The following KIAA0232 variants were observed in gnomAD, a reference collection of about 807,000 sequenced individuals.
KIAA0232 encodes the protein uncharacterized protein KIAA0232.
In KIAA0232, 27 loss-of-function variants were observed where a neutral mutation model predicts 122.0. That is an observed-to-expected ratio of 0.22 (90% CI 0.16 to 0.31). The LOEUF (loss-of-function observed/expected upper bound fraction) is 0.31. Among genes scored for constraint, KIAA0232 ranks in the 10% least tolerant of loss-of-function variants. KIAA0232 has a pLI of 1.00. For missense variants in KIAA0232, 1,551 were observed against 1,634.2 expected (o/e 0.95, Z 0.88); for synonymous variants, 613 against 587.6 (o/e 1.04, Z -0.63).
intron 8 of KIAA0232, among the ~76,000 whole-genome samples, chr4:6,872,846 C>T (rs1434700512): frequency 6.6e-6 from 1 of 152,244 alleles, no homozygotes; most frequent in African/African-American, 2.4e-5. Context: ...CCCTCGGCAG[C>T]ATGGGCTATA....
intron 2 of KIAA0232, among the ~76,000 whole-genome samples, chr4:6,817,313 T>C (rs1401687708): frequency 6.6e-6 from 1 of 152,106 alleles, no homozygotes; most frequent in African/African-American, 2.4e-5. Context: ...TCCTCCCAGG[T>C]TCAAGTGATT....
At chr4:6,783,789 C>T (rs1716479670) in intron 1 of KIAA0232, among the ~76,000 whole-genome samples, 1 of 152,120 alleles carries the variant, frequency 6.6e-6, no homozygotes, top group South Asian at 2.1e-4. Flanking sequence ...GTCATCCGTG[C>T]GCTGCGCGGC....
intron 7 of KIAA0232, among the ~76,000 whole-genome samples, chr4:6,868,872 G>C (rs140831012): frequency 2.4e-4 from 37 of 152,316 alleles, no homozygotes; most frequent in Middle Eastern, 3.4e-3. Flanking sequence ...CATTCAAATG[G>C]AGGATGCAGA....
Position 6,791,307 on chromosome 4 carries a change from C to T in KIAA0232, c.-354+8466C>T, listed in dbSNP as rs536198507. ...AAAACATTGGAATACAAGTAGCTGTCATAAAGCCTTTTTTTTTTTTTTTTT... is the reference window on the plus strand; with the variant it reads ...AAAACATTGGAATACAAGTAGCTGTTATAAAGCCTTTTTTTTTTTTTTTTT... On this transcript the variant is annotated intron_variant, in intron 1 of 9. Coordinates refer to ENST00000307659, the MANE Select transcript of KIAA0232 (RefSeq NM_014743.3). Among the ~76,000 whole-genome samples, 277 of 132,342 alleles carry T rather than the reference C, an allele frequency of 2.1e-3. 1 individual carries two copies. Among genetic ancestry groups the T allele is most frequent in the South Asian group, 0.017 (67 of 3,930 alleles). The allele number at this position is 132,342 out of a possible 152,430, so 86.8% of individuals were successfully genotyped here. A position where few individuals can be genotyped will look rare whatever the true frequency, so the allele number is the denominator to read the frequency against.
chr4:6,858,394 CA>C (rs1456210999), intron 5 of KIAA0232, 30 bp from the exon 6 acceptor site: 4 of 1,367,340 alleles, frequency 2.9e-6, no homozygotes, highest in Non-Finnish European at 4.1e-6. Context: ...AGATATAAGA[CA>C]AATCTTTCTT....
intron 6 of KIAA0232, 97 bp from the exon 7 acceptor site, chr4:6,860,804 A>G: frequency 2.8e-6 from 3 of 1,059,318 alleles, no homozygotes; most frequent in Admixed American, 2.3e-5. Flanking sequence ...TGACACTACT[A>G]AAATGAAATA....
chr4:6,834,767 A>G (rs550881571), intron 3 of KIAA0232, among the ~76,000 whole-genome samples: 1 of 152,352 alleles, frequency 6.6e-6, no homozygotes, highest in Admixed American at 6.5e-5. Flanking sequence ...AAACTAAAGT[A>G]AAAATCTTTT....
At chr4:6,830,697 A>C (rs1481909284) in intron 3 of KIAA0232, among the ~76,000 whole-genome samples, 1 of 151,990 alleles carries the variant, frequency 6.6e-6, no homozygotes, top group Non-Finnish European at 1.5e-5. Flanking sequence ...GTGAGCTGCC[A>C]TGCCCGGCCT....
intron 3 of KIAA0232, among the ~76,000 whole-genome samples, chr4:6,839,396 T>C (rs923034935): frequency 6.6e-6 from 1 of 152,186 alleles, no homozygotes; most frequent in Admixed American, 6.5e-5. Context: ...TTAACACTTT[T>C]TGTGTGTGTA....
chr4:6,824,349 C>T lies in KIAA0232; in HGVS notation c.-105C>T. The T allele has an allele frequency of 1.1e-6, 1 of 930,528 alleles. No homozygotes were observed. The highest frequency in any genetic ancestry group is 2.4e-5 in the East Asian group (1 of 41,514). 57.6% of individuals were successfully genotyped at this position (930,528 alleles called of 1,614,324 possible). On this transcript the variant is annotated 5_prime_UTR_variant, in exon 3 of 10. Coordinates refer to ENST00000307659, the MANE Select transcript of KIAA0232 (RefSeq NM_014743.3). ...AAAAATAAATGCTTATCCTACATGT[C>T]AAGCATCTCTACTTTTTACTGGAGT...
At chr4:6,879,961 C>T (rs1297524977) in intron 9 of KIAA0232, among the ~76,000 whole-genome samples, 1 of 110,568 alleles carries the variant, frequency 9.0e-6, no homozygotes, top group African/African-American at 3.5e-5. Flanking sequence ...CCCTCACCAT[C>T]TGTACTGTGT....
chr4:6,831,279 G>C (rs6843610), intron 3 of KIAA0232, among the ~76,000 whole-genome samples: 125,434 of 152,006 alleles, frequency 0.83, 51,996 homozygotes, highest in Non-Finnish European at 0.85. Context: ...TGGTCTCGAA[G>C]TCTTGACCTC....
At chr4:6,858,907 T>G (rs1248926088) in intron 6 of KIAA0232, among the ~76,000 whole-genome samples, 1 of 151,942 alleles carries the variant, frequency 6.6e-6, no homozygotes, top group African/African-American at 2.4e-5. Flanking sequence ...GTCAGGAGTT[T>G]GAGACCAGCC....
rs529464913 is a variant in KIAA0232 at position 6,850,858 on chromosome 4, C to T, written c.370-6306C>T. Among the ~76,000 whole-genome samples the T allele has an allele frequency of 7.2e-5, 11 of 152,124 alleles. No individual in the cohort carries two copies. The East Asian group carries it at 1.2e-3, about 16-fold the overall frequency. On this transcript the variant is annotated intron_variant, in intron 4 of 9. Coordinates refer to ENST00000307659, the MANE Select transcript of KIAA0232 (RefSeq NM_014743.3). ...CTAATTTTTGTATTCTTAGTAGAGA[C>T]GGGATTTCACCATGTTGGCCAGGAT...
At chr4:6,875,223 G>A (rs1419921039) in intron 8 of KIAA0232, among the ~76,000 whole-genome samples, 1 of 152,272 alleles carries the variant, frequency 6.6e-6, no homozygotes, top group East Asian at 1.9e-4. Flanking sequence ...GGTGCAATGT[G>A]TGTGCCCGGC....
chr4:6,876,038 G>T (rs1399576775), intron 8 of KIAA0232, among the ~76,000 whole-genome samples: 2 of 152,200 alleles, frequency 1.3e-5, no homozygotes, highest in Non-Finnish European at 2.9e-5. Flanking sequence ...TACTGGGCTC[G>T]TTGGATTTGT....
Position 6,861,140 on chromosome 4 carries a change from A to C in KIAA0232, c.758A>C (p.Asn253Thr), listed in dbSNP as rs1300242895. The change falls in exon 7 of 10, where the codon AAC becomes ACC. Residue 253 changes from asparagine (N) to threonine (T), a missense_variant. Physicochemically the swap from Asn to Thr is moderately conservative, Grantham distance 65 (BLOSUM62 0). This residue lies in a region of KIAA0232 where 377 missense variants were observed against 381.7 expected (regional missense o/e 0.99). Coordinates refer to ENST00000307659, the MANE Select transcript of KIAA0232 (RefSeq NM_014743.3). ...GAGAAAACCCAGAGCAAAAGCAAAA[A>C]CGAGAAGGAAAACAAATTTAGTAAT... The part of the protein sequence containing the change: ...VHEKTQSKSK[N>T]EKENKFSNGT... 1.9e-6 allele frequency: 3 copies of C among 1,614,204 alleles called. No homozygotes were observed. In the South Asian group the frequency reaches 3.3e-5, roughly 18 times the overall value.
chr4:6,821,970 CT>C, intron 2 of KIAA0232, among the ~76,000 whole-genome samples: 1 of 151,978 alleles, frequency 6.6e-6, no homozygotes, highest in Admixed American at 6.5e-5. Flanking sequence ...TCATACTTAT[CT>C]TTTGTTTGCT....
In KIAA0232 at chr4:6,843,927, C is replaced by CTTTTTTTTTTT. The variant is rs373793407; in HGVS notation, c.369+1745_369+1755dup. 4.7e-4 allele frequency among the ~76,000 whole-genome samples: 22 copies of CTTTTTTTTTTT among 46,360 alleles called. 5 individuals are homozygous for CTTTTTTTTTTT. The highest frequency in any genetic ancestry group is 1.3e-3 in the African/African-American group (19 of 14,678). 30.4% of individuals were successfully genotyped at this position (46,360 alleles called of 152,430 possible). ...GGCGCAAGGACCGTGAGTTACCCAT[C>CTTTTTTTTTTT]TTTTTTTTTTTTTTTTTTTTTTTTT... On this transcript the variant is annotated intron_variant, in intron 4 of 9. Coordinates refer to ENST00000307659, the MANE Select transcript of KIAA0232 (RefSeq NM_014743.3).
Sources: allele counts gnomAD v4.1 joint callset (sites outside exome capture counted in the v4.1 genomes callset), GRCh38; gene constraint gnomAD v4.1.1; regional missense constraint gnomAD v4.1.1; transcripts MANE v1.5; gene names NCBI Gene and HGNC (gene_info 2026-07-23, HGNC 2026-07-21).